The following ERBB4 variants were observed in gnomAD, a reference collection of about 807,000 sequenced individuals.
The protein encoded by ERBB4 is receptor tyrosine-protein kinase erbB-4.
In ERBB4, 42 loss-of-function variants were observed where a neutral mutation model predicts 158.0. That is an observed-to-expected ratio of 0.27 (90% CI 0.21 to 0.34). The LOEUF (loss-of-function observed/expected upper bound fraction) is 0.34, where lower values mean the gene tolerates loss of function less well. ERBB4 is among the 10% of genes least tolerant of loss of function. The pLI is 1.00. For synonymous variants in ERBB4, 583 were observed against 558.7 expected (o/e 1.04, Z -0.61); for missense variants, 1,333 against 1,624.1 (o/e 0.82, Z 3.08).
intron 4 of ERBB4, among the ~76,000 whole-genome samples, chr2:211,776,885 G>C (rs2075890283): frequency 6.6e-6 from 1 of 152,136 alleles, no homozygotes; most frequent in African/African-American, 2.4e-5. Context: ...AGAATGGAGG[G>C]TTTATTTGGT....
rs370333307 is a variant in ERBB4 at position 212,004,824 on chromosome 2, A to T, written c.235-57208T>A. Among the ~76,000 whole-genome samples the T allele has an allele frequency of 6.6e-5, 10 of 151,976 alleles. No homozygotes were observed. The East Asian group carries it at 1.7e-3, about 26-fold the overall frequency. On this transcript the variant is annotated intron_variant, in intron 2 of 27. Transcript: ENST00000342788. Reference sequence around the variant, plus strand: ...CCCCTTTAGCCTAACTTACATATATATATTGATATTTTATATATGTAAAAA... The same window carrying T: ...CCCCTTTAGCCTAACTTACATATATTTATTGATATTTTATATATGTAAAAA...
At chr2:211,572,103 T>A (rs1233078412) in intron 19 of ERBB4, among the ~76,000 whole-genome samples, 2 of 152,214 alleles carry the variant, frequency 1.3e-5, no homozygotes, top group East Asian at 3.8e-4. Context: ...TCTTTCTGTG[T>A]CTTTTCATTC....
chr2:211,535,222 C>G (rs1419842209), intron 20 of ERBB4, among the ~76,000 whole-genome samples: 1 of 151,970 alleles, frequency 6.6e-6, no homozygotes, highest in African/African-American at 2.4e-5. Context: ...ATTCTAAGAA[C>G]ATAACTATAT....
chr2:211,420,414 T>A (rs1237374502), intron 25 of ERBB4, 27 bp downstream of exon 25: 1 of 1,461,940 alleles, frequency 6.8e-7, no homozygotes, highest in South Asian at 1.1e-5. Context: ...AGAAAGAATA[T>A]GATATGTGTA....
Position 211,750,681 on chromosome 2 carries a change from T to C in ERBB4, c.580A>G (p.Thr194Ala), listed in dbSNP as rs775966683. ...SGCGRCHKSC[T>A]GRCWGPTENH... is the part of the protein sequence containing the mutation. ...TCTGTGGGTCCCCAGCAACGGCCAG[T>C]ACAGGACTTATGGCAACGTCCACCT... Residue 194 changes from threonine to alanine, a missense_variant, in exon 5 of 28, where the codon ACT (threonine) becomes GCT (alanine). Around this residue, in one of 5 missense-constraint regions of ERBB4, gnomAD observed 438 missense variants for 586.9 expected, o/e 0.75. Transcript: ENST00000342788. 2 of 1,613,906 alleles carry C rather than the reference T, an allele frequency of 1.2e-6. No homozygotes were observed. The highest frequency in any genetic ancestry group is 1.7e-6 in the Non-Finnish European group (2 of 1,179,906).
intron 3 of ERBB4, among the ~76,000 whole-genome samples, chr2:211,919,953 T>A (rs1282699265): frequency 6.6e-6 from 1 of 152,030 alleles, no homozygotes; most frequent in African/African-American, 2.4e-5. Context: ...CTAATCTTTT[T>A]GAATTGTACA....
At chr2:212,502,264 T>G (rs1690938073) in intron 1 of ERBB4, among the ~76,000 whole-genome samples, 1 of 152,162 alleles carries the variant, frequency 6.6e-6, no homozygotes, top group African/African-American at 2.4e-5. Context: ...TAAATTATAT[T>G]TATTAAGAAT....
At chr2:212,139,812 C>T (rs574908475) in intron 1 of ERBB4, among the ~76,000 whole-genome samples, 17 of 152,022 alleles carry the variant, frequency 1.1e-4, no homozygotes, top group African/African-American at 4.1e-4. Context: ...TTAATCCTGC[C>T]ACAGCACGAA....
At chr2:211,422,911 T>A (rs2063543729) in intron 23 of ERBB4, among the ~76,000 whole-genome samples, 1 of 151,908 alleles carries the variant, frequency 6.6e-6, no homozygotes, top group Non-Finnish European at 1.5e-5. Flanking sequence ...CTTCCATAGA[T>A]GTCTACCAAA....
intron 1 of ERBB4, among the ~76,000 whole-genome samples, chr2:212,318,908 A>G (rs937713587): frequency 2.0e-5 from 3 of 151,630 alleles, no homozygotes; most frequent in Non-Finnish European, 4.4e-5. Context: ...GCATTTTGCT[A>G]CATGCCATGG....
intron 1 of ERBB4, among the ~76,000 whole-genome samples, chr2:212,460,195 A>C (rs539717559): frequency 6.6e-6 from 1 of 152,300 alleles, no homozygotes; most frequent in East Asian, 1.9e-4. Context: ...AAGTCCAATT[A>C]AACCTCTTTC....
At chr2:211,637,153 T>G (rs1003680382) in intron 16 of ERBB4, among the ~76,000 whole-genome samples, 1 of 151,964 alleles carries the variant, frequency 6.6e-6, no homozygotes, top group Non-Finnish European at 1.5e-5. Context: ...TTACAGTGGC[T>G]ACAGATGAAA....
At chr2:212,307,757 T>C (rs958895746) in intron 1 of ERBB4, among the ~76,000 whole-genome samples, 2 of 151,212 alleles carry the variant, frequency 1.3e-5, no homozygotes, top group African/African-American at 2.4e-5. Flanking sequence ...AGATTTCATG[T>C]AGTTGCTTTA....
intron 1 of ERBB4, among the ~76,000 whole-genome samples, chr2:212,235,500 G>T (rs1250151105): frequency 6.6e-6 from 1 of 152,090 alleles, no homozygotes; most frequent in Non-Finnish European, 1.5e-5. Context: ...TTTTAATTCT[G>T]TGAAGAAAGT....
intron 3 of ERBB4, among the ~76,000 whole-genome samples, chr2:211,830,256 A>C (rs1472508089): frequency 6.6e-6 from 1 of 152,154 alleles, no homozygotes; most frequent in Non-Finnish European, 1.5e-5. Context: ...ATTGTAAATC[A>C]CACTGGATTT....
intron 5 of ERBB4, among the ~76,000 whole-genome samples, chr2:211,725,727 G>A (rs983370447): frequency 6.6e-6 from 1 of 152,220 alleles, no homozygotes; most frequent in Non-Finnish European, 1.5e-5. Flanking sequence ...CTAGTAGAAG[G>A]TGTCCCCAGA....
Position 211,586,568 on chromosome 2 carries a change from C to T in ERBB4, c.2302-24480G>A, listed in dbSNP as rs6727049. ...ATACTTCCTTTTACTTCTGCCCATA[C>T]GCAATCCTAGAGAATACAAGTAGGA... is the stretch of plus-strand genomic sequence containing the variant. On this transcript the variant is annotated intron_variant, in intron 19 of 27. Transcript: ENST00000342788. Among the ~76,000 whole-genome samples, 1,481 of 152,182 alleles carry T rather than the reference C, an allele frequency of 9.7e-3. 26 individuals are homozygous for T. The highest frequency in any genetic ancestry group is 0.033 in the African/African-American group (1,351 of 41,538).
At chr2:211,525,837 A>T (rs971346737) in intron 20 of ERBB4, among the ~76,000 whole-genome samples, 1 of 152,016 alleles carries the variant, frequency 6.6e-6, no homozygotes, top group African/African-American at 2.4e-5. Context: ...AGTGGTGGTG[A>T]CCACAGGGTG....
intron 20 of ERBB4, among the ~76,000 whole-genome samples, chr2:211,481,465 C>G (rs1171130198): frequency 6.6e-6 from 1 of 151,600 alleles, no homozygotes; most frequent in Admixed American, 6.6e-5. Context: ...ACTAAAGAAA[C>G]TGAAGTTCAG....
Sources: gnomAD v4.1 joint callset for allele counts (sites outside exome capture counted in the v4.1 genomes callset) on GRCh38, gnomAD v4.1.1 for gene constraint, gnomAD v4.1.1 regional missense constraint, MANE v1.5 for transcripts, NCBI Gene and HGNC (gene_info 2026-07-23, HGNC 2026-07-21) for gene names.